The following MTTP variants were observed in gnomAD, a reference collection of about 807,000 sequenced individuals.
The protein encoded by MTTP is microsomal triglyceride transfer protein.
MTTP carries 49 observed loss-of-function variants against 90.6 expected under a neutral mutation model. The ratio of observed to expected loss-of-function variants is 0.54; its 90% confidence interval spans 0.43 to 0.69. The LOEUF (loss-of-function observed/expected upper bound fraction) is 0.69. Ranked by LOEUF, MTTP falls within the 30% of genes least tolerant of loss-of-function variation. The probability of loss-of-function intolerance (pLI) is 0.00; values close to 1 mark genes in which losing one functional copy is unlikely to be tolerated. For synonymous variants in MTTP, 347 were observed against 384.2 expected, an observed-to-expected ratio of 0.90 and a Z score of 1.13; for missense variants, 945 against 1,067.5, an observed-to-expected ratio of 0.89 and a Z score of 1.60.
chr4:99,604,084 T>C (rs1052232905), intron 10 of MTTP, among the ~76,000 whole-genome samples: 3 of 152,154 alleles, frequency 2.0e-5, no homozygotes, highest in Non-Finnish European at 4.4e-5. Flanking sequence ...AAAGGTTCAG[T>C]TTTTCTTTTG....
At position 99,622,715 on chromosome 4, in the gene MTTP, G is replaced by A; in HGVS notation, c.2552G>A (p.Arg851Lys). The A allele has an allele frequency of 6.2e-7, 1 of 1,614,118 alleles. No homozygotes were observed. Among genetic ancestry groups the A allele is most frequent in the South Asian group, 1.1e-5 (1 of 91,076 alleles). Reference sequence around the variant, plus strand: ...AAGTACGAAAGGCTGTCCACAGGCAGAGGTTATGTCTCTCAGAAAAGAAAA... The same window carrying A: ...AAGTACGAAAGGCTGTCCACAGGCAAAGGTTATGTCTCTCAGAAAAGAAAA... ...EKKYERLSTG[R>K]GYVSQKRKES... The change falls in exon 18 of 18, where the codon AGA becomes AAA. Residue 851 changes from arginine to lysine, a missense_variant. Physicochemically the swap from Arg to Lys is conservative, Grantham distance 26. Transcript: ENST00000265517.
intron 8 of MTTP, 148 bp from the exon 9 acceptor site, chr4:99,600,417 A>T: frequency 1.2e-6 from 1 of 808,828 alleles, no homozygotes; most frequent in Non-Finnish European, 2.0e-6. Context: ...TTTTTGAGAA[A>T]GTCTTAATCA....
intron 1 of MTTP, among the ~76,000 whole-genome samples, chr4:99,565,117 AG>A: frequency 6.6e-6 from 1 of 152,246 alleles, no homozygotes. Flanking sequence ...TAGCTGAGGG[AG>A]GATTAGTAAT....
chr4:99,566,950 GT>G (rs58296576), intron 1 of MTTP, among the ~76,000 whole-genome samples: 39,799 of 152,064 alleles, frequency 0.26, 5,380 homozygotes, highest in South Asian at 0.35. Flanking sequence ...CAAGTTGGGA[GT>G]TGAGGAGATG....
chr4:99,621,032 A>C (rs1318834090), intron 16 of MTTP, 29 bp from the exon 17 acceptor site: 1 of 1,605,802 alleles, frequency 6.2e-7, no homozygotes, highest in Non-Finnish European at 8.5e-7. Context: ...AATATGAACA[A>C]GTTTTTTCTT....
chr4:99,611,000 C>A, intron 12 of MTTP, 143 bp from the exon 13 acceptor site: 1 of 776,174 alleles, frequency 1.3e-6, no homozygotes, highest in Non-Finnish European at 2.2e-6. Flanking sequence ...ACCACGCCAG[C>A]TGGCACCACC....
intron 15 of MTTP, among the ~76,000 whole-genome samples, chr4:99,617,582 T>C (rs941587655): frequency 2.0e-5 from 3 of 152,096 alleles, no homozygotes; most frequent in African/African-American, 7.2e-5. Context: ...TTTAAGATCT[T>C]TGGAGGAATA....
At chr4:99,573,516 A>G (rs908955029), upstream of MTTP, among the ~76,000 whole-genome samples, 5 of 152,190 alleles carry the variant, frequency 3.3e-5, no homozygotes, top group Non-Finnish European at 5.9e-5. Flanking sequence ...TATTTTTTAT[A>G]CAAAATTTGT....
At chr4:99,566,189 T>TAG (rs1356585601) in intron 1 of MTTP, among the ~76,000 whole-genome samples, 6 of 149,008 alleles carry the variant, frequency 4.0e-5, no homozygotes, top group African/African-American at 1.5e-4. Context: ...CTCCGGAGGC[T>TAG]GAGGCAGGAG....
chr4:99,592,228 G>A (rs1163872344), intron 6 of MTTP, among the ~76,000 whole-genome samples: 2 of 152,126 alleles, frequency 1.3e-5, no homozygotes, highest in East Asian at 3.9e-4. Flanking sequence ...AAGTTGCTCT[G>A]GATGAATCAC....
chr4:99,575,061 T>C, intron 1 of MTTP, 91 bp downstream of exon 1: 2 of 1,385,172 alleles, frequency 1.4e-6, no homozygotes, highest in South Asian at 2.3e-5. Flanking sequence ...TGTGAGTGAA[T>C]AGTGAAAGAG....
rs780688378 is a variant in MTTP, at chr4:99,608,772, A to G, written c.1564A>G (p.Lys522Glu). 4.3e-6 allele frequency: 7 copies of G among 1,613,662 alleles called. No homozygotes were observed. The Admixed American group carries it at 5.0e-5, about 12-fold the overall frequency. Reference sequence around the variant, plus strand: ...TTGAACATCTTATGAACAGGTGAAGAAGACCTTAAACAGAATATACCACCA... The same window carrying G: ...TTGAACATCTTATGAACAGGTGAAGGAGACCTTAAACAGAATATACCACCA... Reference protein sequence around the residue: ...DLPFITDEVKKTLNRIYHQNR... With the variant: ...DLPFITDEVKETLNRIYHQNR... The change falls in exon 12 of 18, where the codon AAG (lysine) becomes GAG (glutamate). Residue 522 changes from lysine (K) to glutamate (E), a missense_variant. Lys to Glu is a moderately conservative substitution (Grantham distance 56, BLOSUM62 1). Transcript: ENST00000265517.
At chr4:99,612,695 T>C (rs1211078226) in intron 14 of MTTP, among the ~76,000 whole-genome samples, 1 of 152,190 alleles carries the variant, frequency 6.6e-6, no homozygotes, top group Non-Finnish European at 1.5e-5. Flanking sequence ...TAATATCATA[T>C]GTACTTCAAA....
At position 99,606,944 on chromosome 4, in the gene MTTP, C is replaced by G. The variant is rs760898561; in HGVS notation, c.1541C>G (p.Pro514Arg). Reference sequence around the variant, plus strand: ...ACTGCTCTCCAGAGATATGATCTCCCTTTCATAACTGATGAGGTAAAATCT... The same window carrying G: ...ACTGCTCTCCAGAGATATGATCTCCGTTTCATAACTGATGAGGTAAAATCT... ...ATTALQRYDL[P>R]FITDEVKKTL... Residue 514 changes from proline to arginine, a missense_variant, in exon 11 of 18, where the codon CCT becomes CGT. Coordinates refer to ENST00000265517, the MANE Select transcript of MTTP (RefSeq NM_001386140.1). The G allele has an allele frequency of 1.8e-5, 29 of 1,613,178 alleles. No homozygotes were observed. In the East Asian group the frequency reaches 6.5e-4, roughly 36 times the overall value.
At chr4:99,587,530 C>T (rs1387348744) in intron 3 of MTTP, among the ~76,000 whole-genome samples, 2 of 152,082 alleles carry the variant, frequency 1.3e-5, no homozygotes, top group African/African-American at 4.8e-5. Flanking sequence ...TATGCACAGT[C>T]CAAAGATTAA....
chr4:99,619,085 C>A lies in MTTP; in HGVS notation c.2329C>A (p.Arg777=), dbSNP rs777548973. ...CTTGTGGTATCGTGAGTCTAAAACC[C>A]GAGTGAAAAATAGGTAAGTGTTTAT... is the stretch of plus-strand genomic sequence containing the variant. ...FSLWYRESKT[R]VKNRVTVVIT... Residue 777 remains arginine (R), a synonymous_variant, in exon 16 of 18, where the codon CGA becomes AGA. Coordinates refer to ENST00000265517, the MANE Select transcript of MTTP (RefSeq NM_001386140.1). The A allele has an allele frequency of 6.2e-7, 1 of 1,613,118 alleles. No individual in the cohort carries two copies. The highest frequency in any genetic ancestry group is 8.5e-7 in the Non-Finnish European group (1 of 1,179,398).
chr4:99,583,527 C>A lies in MTTP; in HGVS notation c.393+10C>A, dbSNP rs375259963. On this transcript the variant is annotated intron_variant, in intron 3 of 17. Transcript: ENST00000265517. ...TCTAATCCATGGAAAGGTAAAGGGG[C>A]GTTTAGATTCCACAACTTTTTCTCC... 5.6e-6 allele frequency: 9 copies of A among 1,613,336 alleles called. No individual in the cohort carries two copies. The highest frequency in any genetic ancestry group is 4.5e-5 in the East Asian group (2 of 44,834).
chr4:99,583,772 G>C (rs1725186623), intron 3 of MTTP: 1 of 573,584 alleles, frequency 1.7e-6, no homozygotes, highest in Non-Finnish European at 3.1e-6. Flanking sequence ...TTTATTTATT[G>C]ATGAAAGGCA....
chr4:99,566,288 C>CA (rs772513158), intron 1 of MTTP, among the ~76,000 whole-genome samples: 29,646 of 79,640 alleles, frequency 0.37, 3,813 homozygotes, highest in South Asian at 0.46. Flanking sequence ...TACTCCGTCT[C>CA]AAAAAAAAGA....
Sources: allele counts gnomAD v4.1 joint callset (sites outside exome capture counted in the v4.1 genomes callset), GRCh38; gene constraint gnomAD v4.1.1; transcripts MANE v1.5; gene names NCBI Gene and HGNC (gene_info 2026-07-23, HGNC 2026-07-21).